XPO1: variants seen among roughly 807,000 people sequenced by gnomAD.
The protein encoded by XPO1 is exportin 1, also known as exportin-1.
A neutral mutation model predicts 133.3 loss-of-function variants in XPO1; 5 were observed. The ratio of observed to expected loss-of-function variants is 0.04; its 90% CI spans 0.02 to 0.08. The LOEUF (loss-of-function observed/expected upper bound fraction) is 0.08, where lower values mean the gene tolerates loss of function less well. Ranked by LOEUF, XPO1 falls within the 10% of genes least tolerant of loss-of-function variation. XPO1 has a pLI of 1.00. For missense variants in XPO1, 506 were observed against 1,267.5 expected (o/e 0.40, Z 9.12); for synonymous variants, 419 against 408.2 (o/e 1.03, Z -0.32).
intron 5 of XPO1, 21 bp from the exon 6 acceptor site, chr2:61,502,061 A>T: frequency 6.3e-7 from 1 of 1,590,292 alleles, no homozygotes; most frequent in Non-Finnish European, 8.6e-7. Flanking sequence ...GTAAAAGATT[A>T]AATGAGAGCC....
intron 19 of XPO1, among the ~76,000 whole-genome samples, chr2:61,487,177 G>T (rs1371366949): frequency 2.0e-5 from 3 of 151,972 alleles, no homozygotes; most frequent in Non-Finnish European, 4.4e-5. Context: ...ACCGTGAAAA[G>T]CCAAGACAAG....
At chr2:61,525,474 A>C (rs1698874093) in intron 3 of XPO1, 1 of 1,007,656 alleles carries the variant, frequency 9.9e-7, no homozygotes, top group Admixed American at 6.0e-5. Flanking sequence ...AATTTATGTA[A>C]ATTGAAGAAT....
At chr2:61,509,266 A>G (rs1697973990) in intron 4 of XPO1, among the ~76,000 whole-genome samples, 1 of 151,894 alleles carries the variant, frequency 6.6e-6, no homozygotes, top group African/African-American at 2.4e-5. Flanking sequence ...CAGCCTCCCA[A>G]AGTGCTGGGA....
At position 61,488,279 on chromosome 2, in the gene XPO1, A is replaced by C; in HGVS notation, c.2207-8T>G. The C allele has an allele frequency of 6.2e-7, 1 of 1,610,850 alleles. No homozygotes were observed. Among genetic ancestry groups the C allele is most frequent in the South Asian group, 1.1e-5 (1 of 90,974 alleles). On this transcript the variant is annotated splice_region_variant and splice_polypyrimidine_tract_variant and intron_variant, in intron 18 of 24. Coordinates refer to ENST00000401558, the MANE Select transcript of XPO1 (RefSeq NM_003400.4). Reference sequence around the variant, plus strand: ...GCTTTGTAACCATTTCACCTACAAAACAGAATCAAATGGAATCTAATTTTA... The same window carrying C: ...GCTTTGTAACCATTTCACCTACAAACCAGAATCAAATGGAATCTAATTTTA...
intron 4 of XPO1, among the ~76,000 whole-genome samples, chr2:61,513,609 G>C (rs1313767245): frequency 6.6e-6 from 1 of 152,030 alleles, no homozygotes; most frequent in Non-Finnish European, 1.5e-5. Context: ...ACAGGCGTGA[G>C]CCACTGTGCC....
chr2:61,530,346 T>G (rs1166992133), intron 2 of XPO1, among the ~76,000 whole-genome samples: 1 of 152,066 alleles, frequency 6.6e-6, no homozygotes, highest in Non-Finnish European at 1.5e-5. Context: ...CCACCATTCT[T>G]ACATAATGTT....
chr2:61,496,343 C>A (rs979607368), intron 10 of XPO1, among the ~76,000 whole-genome samples: 2 of 152,086 alleles, frequency 1.3e-5, no homozygotes, highest in African/African-American at 2.4e-5. Context: ...TCCAGAGTAG[C>A]TGGAACTACA....
rs535220693 is a variant in XPO1 at position 61,485,975 on chromosome 2, G to GA, written c.2314-14dup. ...AATTTTCAGCGACCTGTTGGGGAGG[G>GA]AAAAAAAAGTTATGTTTTAATTTAG... On this transcript the variant is annotated splice_polypyrimidine_tract_variant and intron_variant, in intron 19 of 24. Coordinates refer to ENST00000401558, the MANE Select transcript of XPO1 (RefSeq NM_003400.4). 10 of 1,581,696 alleles carry GA rather than the reference G, an allele frequency of 6.3e-6. No individual in the cohort carries two copies. The highest frequency in any genetic ancestry group is 3.4e-4 in the Middle Eastern group (2 of 5,922).
In XPO1 at chr2:61,482,371, T is replaced by C; in HGVS notation, c.2972+9A>G. 2 of 1,598,740 alleles carry C rather than the reference T, an allele frequency of 1.3e-6. No individual in the cohort carries two copies. The highest frequency in any genetic ancestry group is 1.7e-6 in the Non-Finnish European group (2 of 1,173,378). On this transcript the variant is annotated intron_variant, in intron 23 of 24. Coordinates refer to ENST00000401558, the MANE Select transcript of XPO1 (RefSeq NM_003400.4). ...GGAACATTCTACGTTTATTAAAAGG[T>C]ATATTTACTCTTGTAGGTGAGGGAA...
At chr2:61,520,831 CA>C (rs1338618965) in intron 4 of XPO1, among the ~76,000 whole-genome samples, 1 of 152,072 alleles carries the variant, frequency 6.6e-6, no homozygotes, top group African/African-American at 2.4e-5. Flanking sequence ...TAAAATTATA[CA>C]ACAGTAAAAT....
In XPO1 at chr2:61,491,455, AACAAACACACAC is replaced by A. The variant is rs1327832039; in HGVS notation, c.1887+568_1887+579del. Among the ~76,000 whole-genome samples the A allele has an allele frequency of 1.8e-4, 16 of 91,308 alleles. No homozygotes were observed. In the South Asian group the frequency reaches 3.1e-3, roughly 18 times the overall value. 59.9% of individuals were successfully genotyped at this position (91,308 alleles called of 152,430 possible). ...GACAGAGTGAAACTCCATCTCAAAA[AACAAACACACAC>A]ACACACACACACACACACACACACA... On this transcript the variant is annotated intron_variant, in intron 16 of 24. Coordinates refer to ENST00000401558, the MANE Select transcript of XPO1 (RefSeq NM_003400.4).
chr2:61,530,931 C>T (rs1041640668), intron 2 of XPO1, among the ~76,000 whole-genome samples: 1 of 152,090 alleles, frequency 6.6e-6, no homozygotes, highest in Non-Finnish European at 1.5e-5. Context: ...TGCCTTCTAC[C>T]TATCAAGCAC....
At chr2:61,504,209 C>T (rs894611371) in intron 4 of XPO1, among the ~76,000 whole-genome samples, 2 of 152,162 alleles carry the variant, frequency 1.3e-5, no homozygotes, top group Non-Finnish European at 2.9e-5. Context: ...TGGATCTCTT[C>T]ATAGTAAAAC....
chr2:61,518,725 T>TA (rs1264595466), intron 4 of XPO1, among the ~76,000 whole-genome samples: 1 of 151,986 alleles, frequency 6.6e-6, no homozygotes, highest in Non-Finnish European at 1.5e-5. Context: ...ATAAAGTGAC[T>TA]AAAACAGCCA....
intron 4 of XPO1, among the ~76,000 whole-genome samples, chr2:61,522,176 G>A (rs1679975563): frequency 2.0e-5 from 3 of 152,038 alleles, no homozygotes; most frequent in Non-Finnish European, 2.9e-5. Context: ...CTCAAGCAAT[G>A]CTCCCACATA....
At chr2:61,519,716 A>C (rs1490784891) in intron 4 of XPO1, among the ~76,000 whole-genome samples, 1 of 150,884 alleles carries the variant, frequency 6.6e-6, no homozygotes, top group Non-Finnish European at 1.5e-5. Context: ...AAAAAAAAAA[A>C]AAAAAAACAC....
intron 21 of XPO1, 145 bp downstream of exon 21, chr2:61,483,792 A>G (rs561084212): frequency 5.5e-6 from 5 of 908,860 alleles, no homozygotes; most frequent in Non-Finnish European, 8.2e-6. Context: ...AGTTGATTAA[A>G]CTGCTTATAG....
chr2:61,523,658 G>A (rs1174942142), intron 3 of XPO1, among the ~76,000 whole-genome samples: 1 of 152,178 alleles, frequency 6.6e-6, no homozygotes, highest in Non-Finnish European at 1.5e-5. Context: ...AGTTTTGGCT[G>A]AGAATAAGAG....
intron 10 of XPO1, among the ~76,000 whole-genome samples, 174 bp downstream of exon 10, chr2:61,496,705 T>C (rs151014501): frequency 7.7e-4 from 118 of 152,304 alleles, no homozygotes; most frequent in African/African-American, 2.7e-3. Context: ...AACCTGAATT[T>C]TAAGAAATTT....
Sources: allele counts gnomAD v4.1 joint callset (sites outside exome capture counted in the v4.1 genomes callset), GRCh38; gene constraint gnomAD v4.1.1; transcripts MANE v1.5; gene names NCBI Gene and HGNC (gene_info 2026-07-23, HGNC 2026-07-21).